The following ST18 variants were observed in gnomAD, a reference collection of about 807,000 sequenced individuals.
ST18 encodes suppression of tumorigenicity 18 protein.
ST18 carries 50 observed loss-of-function variants against 110.0 expected under a neutral mutation model. That is an observed-to-expected ratio of 0.45 (90% CI 0.36 to 0.58). The LOEUF is 0.58. Ranked by LOEUF, ST18 falls within the 20% of genes least tolerant of loss-of-function variation. The pLI, the probability that ST18 is intolerant of heterozygous loss-of-function variation, is 0.00. For synonymous variants in ST18, 461 were observed against 452.4 expected (o/e 1.02, Z -0.24); for missense variants, 1,306 against 1,280.1 (o/e 1.02, Z -0.31).
chr8:52,146,550 C>T (rs533462151), intron 16 of ST18, among the ~76,000 whole-genome samples: 1 of 152,006 alleles, frequency 6.6e-6, no homozygotes, highest in Non-Finnish European at 1.5e-5. Context: ...CTTTACCCCC[C>T]TCACATTTCT....
At chr8:52,146,173 T>C (rs2057204374) in intron 16 of ST18, among the ~76,000 whole-genome samples, 1 of 152,114 alleles carries the variant, frequency 6.6e-6, no homozygotes. Flanking sequence ...ATGTGAACAA[T>C]AGATTGTCTG....
At chr8:52,362,940 G>T (rs938357128) in intron 2 of ST18, among the ~76,000 whole-genome samples, 1 of 152,270 alleles carries the variant, frequency 6.6e-6, no homozygotes, top group South Asian at 2.1e-4. Flanking sequence ...GGCCAGACGC[G>T]GTGGCTCACG....
intron 22 of ST18, among the ~76,000 whole-genome samples, chr8:52,130,512 G>T (rs753382245): frequency 1.5e-4 from 23 of 152,230 alleles, no homozygotes; most frequent in Non-Finnish European, 3.2e-4. Context: ...CCAGTCTGGA[G>T]TTAGTAGAGC....
At chr8:52,227,975 A>C (rs2090047589) in intron 3 of ST18, among the ~76,000 whole-genome samples, 1 of 152,240 alleles carries the variant, frequency 6.6e-6, no homozygotes, top group South Asian at 2.1e-4. Context: ...AATTGAAATA[A>C]GCAAAAAATA....
chr8:52,129,526 C>T (rs955184893), intron 22 of ST18, among the ~76,000 whole-genome samples: 4 of 151,154 alleles, frequency 2.6e-5, no homozygotes, highest in Admixed American at 2.0e-4. Context: ...AAAGAGAATA[C>T]CCCACATTAA....
intron 24 of ST18, among the ~76,000 whole-genome samples, chr8:52,117,724 G>C (rs1409134945): frequency 6.6e-6 from 1 of 152,170 alleles, no homozygotes; most frequent in Non-Finnish European, 1.5e-5. Context: ...AGAAGGGAAG[G>C]GGAGAAAGAC....
chr8:52,369,572 C>A (rs1829487879), intron 2 of ST18, among the ~76,000 whole-genome samples: 1 of 152,124 alleles, frequency 6.6e-6, no homozygotes, highest in Admixed American at 6.5e-5. Context: ...CTTGTTTAAG[C>A]CACTGTTTTT....
At chr8:52,343,005 G>A (rs773237576) in intron 2 of ST18, among the ~76,000 whole-genome samples, 1 of 152,242 alleles carries the variant, frequency 6.6e-6, no homozygotes, top group East Asian at 1.9e-4. Context: ...CTGGAAATAC[G>A]TTGCCTACAG....
chr8:52,129,451 C>CAGA (rs1554584138), intron 22 of ST18, among the ~76,000 whole-genome samples: 1 of 72,246 alleles, frequency 1.4e-5, no homozygotes, highest in African/African-American at 4.5e-5. Context: ...GAGACTCCAT[C>CAGA]AAAAAAAAAA....
At chr8:52,264,078 C>A (rs763641070) in intron 2 of ST18, among the ~76,000 whole-genome samples, 1 of 152,084 alleles carries the variant, frequency 6.6e-6, no homozygotes, top group Non-Finnish European at 1.5e-5. Flanking sequence ...GGATTACAGG[C>A]GTGAGCCACC....
rs113079827 is a variant in ST18 at position 52,368,695 on chromosome 8, A to G, written c.-465+40633T>C. Among the ~76,000 whole-genome samples the G allele has an allele frequency of 7.2e-5, 11 of 152,360 alleles. 1 individual carries two copies. Among genetic ancestry groups the G allele is most frequent in the African/African-American group, 2.2e-4 (9 of 41,582 alleles). ...CCTTACAGTCTTCAGATAACCAAAGAAAAGAACCTGGAAGATTCATACATA... is the reference window on the plus strand; with the variant it reads ...CCTTACAGTCTTCAGATAACCAAAGGAAAGAACCTGGAAGATTCATACATA... On this transcript the variant is annotated intron_variant, in intron 2 of 25. Coordinates refer to ENST00000689386, the MANE Select transcript of ST18 (RefSeq NM_001352837.2).
intron 2 of ST18, chr8:52,301,820 T>C (rs2095727224): frequency 6.6e-6 from 1 of 152,172 alleles, no homozygotes; most frequent in African/African-American, 2.4e-5. Context: ...TCCTTCCTCC[T>C]TTTTTTCCTC....
At chr8:52,210,840 C>T (rs936209643) in intron 8 of ST18, among the ~76,000 whole-genome samples, 16 of 152,036 alleles carry the variant, frequency 1.1e-4, no homozygotes, top group South Asian at 6.2e-4. Flanking sequence ...AAGGCTATGA[C>T]GGAGATCATA....
At chr8:52,395,572 G>A (rs770497339) in intron 2 of ST18, among the ~76,000 whole-genome samples, 1 of 152,180 alleles carries the variant, frequency 6.6e-6, no homozygotes, top group Non-Finnish European at 1.5e-5. Flanking sequence ...TCCACGGTTA[G>A]AGAGAGGCCA....
intron 2 of ST18, among the ~76,000 whole-genome samples, chr8:52,343,701 A>G (rs1411182681): frequency 6.6e-6 from 1 of 152,238 alleles, no homozygotes; most frequent in Non-Finnish European, 1.5e-5. Context: ...TGATACACAG[A>G]TACCACTCAG....
chr8:52,118,063 T>A (rs2043192891), intron 24 of ST18, among the ~76,000 whole-genome samples: 1 of 152,184 alleles, frequency 6.6e-6, no homozygotes, highest in Non-Finnish European at 1.5e-5. Flanking sequence ...CACCAGAGAC[T>A]CTTGGGTTAT....
At chr8:52,207,588 T>C (rs1265410625) in intron 8 of ST18, among the ~76,000 whole-genome samples, 2 of 152,160 alleles carry the variant, frequency 1.3e-5, no homozygotes, top group African/African-American at 2.4e-5. Context: ...AAATGCCAAA[T>C]GATAGGATTT....
intron 2 of ST18, among the ~76,000 whole-genome samples, chr8:52,327,927 C>T (rs1054967675): frequency 6.6e-5 from 10 of 152,196 alleles, no homozygotes; most frequent in Admixed American, 5.2e-4. Context: ...ATCATTAATT[C>T]ATGTTCAGAG....
chr8:52,301,245 C>T (rs560583631), intron 2 of ST18, among the ~76,000 whole-genome samples: 45 of 152,184 alleles, frequency 3.0e-4, no homozygotes, highest in African/African-American at 1.1e-3. Context: ...ACAATCTTTT[C>T]AATTTATTTT....
Sources: gnomAD v4.1 joint callset for allele counts (sites outside exome capture counted in the v4.1 genomes callset) on GRCh38, gnomAD v4.1.1 for gene constraint, MANE v1.5 for transcripts, NCBI Gene and HGNC (gene_info 2026-07-23, HGNC 2026-07-21) for gene names.